Variants in CDH4 observed in about 807,000 individuals in gnomAD.
CDH4 encodes cadherin 4.
In CDH4, 33 loss-of-function variants were observed where a neutral mutation model predicts 86.0. That is an observed-to-expected ratio of 0.38 (90% confidence interval 0.29 to 0.51). The LOEUF is 0.51. CDH4 is among the 20% of genes least tolerant of loss of function. CDH4 has a pLI of 0.86. For synonymous variants in CDH4, 555 were observed against 549.4 expected (o/e 1.01, Z -0.14); for missense variants, 1,114 against 1,307.4 (o/e 0.85, Z 2.28).
chr20:61,438,042 C>T (rs1388411163), intron 2 of CDH4, among the ~76,000 whole-genome samples: 2 of 152,188 alleles, frequency 1.3e-5, no homozygotes, highest in Non-Finnish European at 2.9e-5. Context: ...CAGACTCCAA[C>T]AACGTTTTAT....
intron 2 of CDH4, among the ~76,000 whole-genome samples, chr20:61,654,082 G>A (rs1037971361): frequency 4.6e-5 from 7 of 152,188 alleles, no homozygotes; most frequent in Non-Finnish European, 1.0e-4. Context: ...GCGGCTGGGA[G>A]GTGGAGGTTG....
chr20:61,375,138 C>T (rs558900448), intron 2 of CDH4, among the ~76,000 whole-genome samples: 3 of 152,356 alleles, frequency 2.0e-5, no homozygotes, highest in East Asian at 1.9e-4. Flanking sequence ...CACATGTTCT[C>T]ATGATCTCCT....
chr20:61,755,059 G>C (rs2088545028), intron 3 of CDH4: 1 of 152,210 alleles, frequency 6.6e-6, no homozygotes, highest in Middle Eastern at 3.2e-3. Flanking sequence ...CATTACAGCA[G>C]CAAAAGAAAA....
chr20:61,464,653 T>C (rs1338790160), intron 2 of CDH4, among the ~76,000 whole-genome samples: 2 of 152,192 alleles, frequency 1.3e-5, no homozygotes, highest in Non-Finnish European at 2.9e-5. Context: ...GAGCAGCCAG[T>C]TGGACTGTGA....
At chr20:61,808,442 G>A (rs940694173) in intron 4 of CDH4, among the ~76,000 whole-genome samples, 1 of 152,138 alleles carries the variant, frequency 6.6e-6, no homozygotes, top group Admixed American at 6.5e-5. Context: ...GGTGGGGAAA[G>A]CCTCCGTGTA....
At position 61,468,241 on chromosome 20, in the gene CDH4, C is replaced by T. The variant is rs925043658; in HGVS notation, c.169+213304C>T. On this transcript the variant is annotated intron_variant, in intron 2 of 15. Coordinates refer to ENST00000614565, the MANE Select transcript of CDH4 (RefSeq NM_001794.5). ...CCCATATCACATTGTTACTATCCAGCTGGCCCAAGGTGCCCAGGGAAAGAA... is the reference window on the plus strand; with the variant it reads ...CCCATATCACATTGTTACTATCCAGTTGGCCCAAGGTGCCCAGGGAAAGAA... Among the ~76,000 whole-genome samples, 144 of 152,202 alleles carry T rather than the reference C, an allele frequency of 9.5e-4. 6 individuals carry two copies. The highest frequency in any genetic ancestry group is 1.9e-4 in the East Asian group (1 of 5,188).
chr20:61,777,676 C>A (rs2088858731), intron 4 of CDH4, among the ~76,000 whole-genome samples: 1 of 147,510 alleles, frequency 6.8e-6, no homozygotes, highest in Non-Finnish European at 1.5e-5. Flanking sequence ...AGACACACAC[C>A]CATACGCGCA....
At chr20:61,566,281 G>T (rs1183896467) in intron 2 of CDH4, among the ~76,000 whole-genome samples, 1 of 152,238 alleles carries the variant, frequency 6.6e-6, no homozygotes, top group East Asian at 1.9e-4. Flanking sequence ...ATTGGACCAA[G>T]TGTTTCTCGC....
At position 61,509,000 on chromosome 20, in the gene CDH4, C is replaced by T. The variant is rs181875345; in HGVS notation, c.170-234563C>T. ...CCCAGGCCTCGCCCAGTGGTACATGCTCGCAGCATGGACCTGGACCTGCCT... is the reference window on the plus strand; with the variant it reads ...CCCAGGCCTCGCCCAGTGGTACATGTTCGCAGCATGGACCTGGACCTGCCT... On this transcript the variant is annotated intron_variant, in intron 2 of 15. Coordinates refer to ENST00000614565, the MANE Select transcript of CDH4 (RefSeq NM_001794.5). Among the ~76,000 whole-genome samples, 741 of 152,084 alleles carry T rather than the reference C, an allele frequency of 4.9e-3. 6 individuals are homozygous for T. Among genetic ancestry groups the T allele is most frequent in the African/African-American group, 0.017 (718 of 41,406 alleles).
intron 11 of CDH4, among the ~76,000 whole-genome samples, chr20:61,925,636 G>A (rs890297126): frequency 2.0e-5 from 3 of 152,248 alleles, no homozygotes; most frequent in African/African-American, 4.8e-5. Context: ...CAGCCCGAGT[G>A]TGTCGGCTGG....
intron 2 of CDH4, among the ~76,000 whole-genome samples, chr20:61,635,648 C>A (rs1048483683): frequency 5.3e-5 from 8 of 152,318 alleles, no homozygotes; most frequent in Non-Finnish European, 1.2e-4. Context: ...CTATCACCAC[C>A]AGAGAGGGCA....
Position 61,501,527 on chromosome 20 carries a change from C to A in CDH4, c.170-242036C>A, listed in dbSNP as rs148538111. Among the ~76,000 whole-genome samples the A allele has an allele frequency of 6.2e-3, 937 of 152,248 alleles. 2 individuals carry two copies. Among genetic ancestry groups the A allele is most frequent in the Admixed American group, 0.011 (162 of 15,302 alleles). ...CTGAGATTCAGGAGACGGCTGCTGCCGTCTCTGCCCCCTCATCCTTGCTGA... is the reference window on the plus strand; with the variant it reads ...CTGAGATTCAGGAGACGGCTGCTGCAGTCTCTGCCCCCTCATCCTTGCTGA... On this transcript the variant is annotated intron_variant, in intron 2 of 15. Transcript: ENST00000614565. The surrounding 1 kb of genome is among the most constrained non-coding windows in gnomAD (Gnocchi z 4.2).
At chr20:61,647,354 A>G (rs2087071850) in intron 2 of CDH4, among the ~76,000 whole-genome samples, 1 of 152,180 alleles carries the variant, frequency 6.6e-6, no homozygotes, top group African/African-American at 2.4e-5. Flanking sequence ...AACTTGTCCT[A>G]GCAGAAGTCC....
At chr20:61,775,546 C>A (rs1419034058) in intron 4 of CDH4, among the ~76,000 whole-genome samples, 2 of 152,172 alleles carry the variant, frequency 1.3e-5, no homozygotes, top group African/African-American at 2.4e-5. Flanking sequence ...ACAGGTTGGC[C>A]GTGTTCCACT....
chr20:61,461,836 A>G (rs2085444987), intron 2 of CDH4, among the ~76,000 whole-genome samples: 1 of 152,216 alleles, frequency 6.6e-6, no homozygotes, highest in Non-Finnish European at 1.5e-5. Flanking sequence ...GTGATGAGAG[A>G]GAGACATTAT....
chr20:61,578,806 GT>G lies in CDH4; in HGVS notation c.170-164752del, dbSNP rs1385562836. 5.9e-5 allele frequency among the ~76,000 whole-genome samples: 9 copies of G among 152,296 alleles called. No homozygotes were observed. The East Asian group carries it at 1.5e-3, about 26-fold the overall frequency. ...TCCGGTCCATTCTGCCTTACATCAT[GT>G]TTTTAGTCTTTAGTTTCAGATCCAT... On this transcript the variant is annotated intron_variant, in intron 2 of 15. Transcript: ENST00000614565.
chr20:61,834,753 C>T (rs973910423), intron 4 of CDH4, among the ~76,000 whole-genome samples: 2 of 152,166 alleles, frequency 1.3e-5, no homozygotes, highest in Admixed American at 6.5e-5. Context: ...ACAAAGAACC[C>T]GTCTCGGCTT....
intron 2 of CDH4, among the ~76,000 whole-genome samples, chr20:61,312,783 G>A (rs974083582): frequency 5.3e-5 from 8 of 152,104 alleles, no homozygotes; most frequent in Non-Finnish European, 7.4e-5. Flanking sequence ...AACAGAGCTC[G>A]AGCTCTGCCC....
In CDH4 at chr20:61,708,294, C is replaced by T. The variant is rs1468953889; in HGVS notation, c.170-35269C>T. ...CGAACCAGATGTACCAAGCACCCCG[C>T]TGACTCAGACTCCCCGCCCCCCGCC... On this transcript the variant is annotated intron_variant, in intron 2 of 15. Coordinates refer to ENST00000614565, the MANE Select transcript of CDH4 (RefSeq NM_001794.5). This position sits in a 1 kb window ranked among gnomAD's most constrained non-coding sequence, Gnocchi z 4.5. Among the ~76,000 whole-genome samples the T allele has an allele frequency of 3.9e-5, 6 of 152,048 alleles. No individual in the cohort carries two copies. Among genetic ancestry groups the T allele is most frequent in the Non-Finnish European group, 2.9e-5 (2 of 67,982 alleles).
Sources: allele counts gnomAD v4.1 joint callset (sites outside exome capture counted in the v4.1 genomes callset), GRCh38; gene constraint gnomAD v4.1.1; non-coding constraint Gnocchi (gnomAD v3.1); transcripts MANE v1.5; gene names NCBI Gene and HGNC (gene_info 2026-07-23, HGNC 2026-07-21).